The following GALNTL6 variants were observed in gnomAD, a reference collection of about 807,000 sequenced individuals.
The protein encoded by GALNTL6 is polypeptide N-acetylgalactosaminyltransferase like 6.
GALNTL6 carries 46 observed loss-of-function variants against 73.7 expected under a neutral mutation model. The observed-to-expected ratio is 0.62, with a 90% CI of 0.49 to 0.80. The LOEUF (loss-of-function observed/expected upper bound fraction) is 0.80, where lower values mean the gene tolerates loss of function less well. Ranked by LOEUF, GALNTL6 falls within the 30% of genes least tolerant of loss-of-function variation. The pLI, the probability that GALNTL6 is intolerant of heterozygous loss-of-function variation, is 0.00. For missense variants in GALNTL6, 604 were observed against 755.0 expected (o/e 0.80, Z 2.34); for synonymous variants, 259 against 263.7 (o/e 0.98, Z 0.17).
intron 7 of GALNTL6, among the ~76,000 whole-genome samples, chr4:172,872,966 G>C (rs1745020261): frequency 6.6e-6 from 1 of 152,132 alleles, no homozygotes; most frequent in African/African-American, 2.4e-5. Context: ...TCTGTGCTCT[G>C]GTGTTGTCAC....
At chr4:172,880,634 CA>C (rs1044451031) in intron 7 of GALNTL6, among the ~76,000 whole-genome samples, 2 of 152,048 alleles carry the variant, frequency 1.3e-5, no homozygotes, top group Admixed American at 6.6e-5. Context: ...AAAATATGTG[CA>C]ATCAATTATA....
chr4:172,056,211 A>C (rs766744064), intron 2 of GALNTL6, among the ~76,000 whole-genome samples: 63 of 152,168 alleles, frequency 4.1e-4, no homozygotes, highest in Non-Finnish European at 7.6e-4. Flanking sequence ...TTGTTTACAT[A>C]CTTGAACTTA....
chr4:172,306,025 G>T (rs558768079), intron 3 of GALNTL6, among the ~76,000 whole-genome samples: 9 of 152,046 alleles, frequency 5.9e-5, no homozygotes, highest in Non-Finnish European at 1.3e-4. Flanking sequence ...AAAAATATGC[G>T]TACAAACATT....
At chr4:172,174,316 T>C (rs906551276) in intron 2 of GALNTL6, among the ~76,000 whole-genome samples, 2 of 152,220 alleles carry the variant, frequency 1.3e-5, no homozygotes, top group African/African-American at 4.8e-5. Context: ...GAACGGTCTA[T>C]GTATAGCGGT....
intron 4 of GALNTL6, among the ~76,000 whole-genome samples, chr4:172,340,162 ATTTTC>A (rs1741511495): frequency 6.6e-6 from 1 of 152,060 alleles, no homozygotes; most frequent in East Asian, 1.9e-4. Context: ...AGTTGAATTA[ATTTTC>A]TTTTATTTCT....
At chr4:172,555,530 C>A (rs1358776896) in intron 5 of GALNTL6, among the ~76,000 whole-genome samples, 3 of 151,992 alleles carry the variant, frequency 2.0e-5, no homozygotes, top group Non-Finnish European at 4.4e-5. Flanking sequence ...TACAAAGTGT[C>A]CCCATGCTGT....
chr4:172,771,953 G>A (rs571922880), intron 5 of GALNTL6, among the ~76,000 whole-genome samples: 8 of 152,086 alleles, frequency 5.3e-5, no homozygotes, highest in South Asian at 2.1e-4. Flanking sequence ...AGACATACCC[G>A]AGATTGGGCA....
chr4:172,924,059 C>T (rs1474694176), intron 8 of GALNTL6, among the ~76,000 whole-genome samples: 1 of 151,864 alleles, frequency 6.6e-6, no homozygotes, highest in African/African-American at 2.4e-5. Context: ...AAGGCAGAAG[C>T]GGGAAAACTA....
chr4:172,693,655 G>A (rs748912877), intron 5 of GALNTL6, among the ~76,000 whole-genome samples: 15 of 152,118 alleles, frequency 9.9e-5, no homozygotes, highest in Non-Finnish European at 2.1e-4. Flanking sequence ...CTCCACCTAT[G>A]GGGGAGGTTT....
At chr4:172,688,572 A>G (rs1733071185) in intron 5 of GALNTL6, among the ~76,000 whole-genome samples, 1 of 152,208 alleles carries the variant, frequency 6.6e-6, no homozygotes, top group Non-Finnish European at 1.5e-5. Context: ...TTATAGAGAG[A>G]TGGCATATAT....
chr4:172,549,962 G>T (rs911871229), intron 5 of GALNTL6, among the ~76,000 whole-genome samples: 11 of 152,070 alleles, frequency 7.2e-5, no homozygotes, highest in African/African-American at 2.7e-4. Flanking sequence ...ATATCTTTCC[G>T]TGTCAGTAAT....
chr4:172,049,720 A>G (rs1248855622), intron 2 of GALNTL6, among the ~76,000 whole-genome samples: 2 of 152,112 alleles, frequency 1.3e-5, no homozygotes, highest in African/African-American at 4.8e-5. Flanking sequence ...GCAGCGGCTC[A>G]TGCCTGTAAT....
At chr4:172,200,375 T>G (rs13150099) in intron 2 of GALNTL6, among the ~76,000 whole-genome samples, 1 of 152,230 alleles carries the variant, frequency 6.6e-6, no homozygotes, top group African/African-American at 2.4e-5. Context: ...GAAATTCGAT[T>G]ACCTTGAATC....
intron 5 of GALNTL6, among the ~76,000 whole-genome samples, chr4:172,609,466 C>T (rs1189783568): frequency 6.6e-6 from 1 of 152,036 alleles, no homozygotes; most frequent in East Asian, 1.9e-4. Flanking sequence ...ATATGTAGAA[C>T]CGAACTTGCA....
At chr4:171,999,164 G>A (rs1029847155) in intron 2 of GALNTL6, among the ~76,000 whole-genome samples, 1 of 152,132 alleles carries the variant, frequency 6.6e-6, no homozygotes, top group Non-Finnish European at 1.5e-5. Context: ...ACTAGGAAGA[G>A]AAAGAGGTAT....
At chr4:173,014,665 G>C (rs920586728) in intron 11 of GALNTL6, among the ~76,000 whole-genome samples, 1 of 152,096 alleles carries the variant, frequency 6.6e-6, no homozygotes, top group Non-Finnish European at 1.5e-5. Context: ...TGTATCTCAG[G>C]TTTCTGCAAA....
intron 3 of GALNTL6, among the ~76,000 whole-genome samples, chr4:172,265,623 C>T (rs1283385443): frequency 6.6e-6 from 1 of 152,000 alleles, no homozygotes; most frequent in Non-Finnish European, 1.5e-5. Flanking sequence ...GATATATTAT[C>T]TAAGATTCAT....
At chr4:172,077,736 T>C (rs1731743700) in intron 2 of GALNTL6, among the ~76,000 whole-genome samples, 1 of 152,166 alleles carries the variant, frequency 6.6e-6, no homozygotes, top group African/African-American at 2.4e-5. Flanking sequence ...AATTCAAGTC[T>C]GCTGTAGAAA....
chr4:173,005,389 T>A (rs1485869091), intron 10 of GALNTL6, among the ~76,000 whole-genome samples: 2 of 152,204 alleles, frequency 1.3e-5, no homozygotes, highest in African/African-American at 4.8e-5. Flanking sequence ...AATGATTGAT[T>A]CTGCCATAGA....
Sources: allele counts gnomAD v4.1 joint callset (sites outside exome capture counted in the v4.1 genomes callset), GRCh38; gene constraint gnomAD v4.1.1; transcripts MANE v1.5; gene names NCBI Gene and HGNC (gene_info 2026-07-23, HGNC 2026-07-21).